Variants in ACBD6 observed in about 807,000 individuals in gnomAD.
ACBD6 encodes the protein acyl-CoA-binding domain-containing protein 6.
A neutral mutation model predicts 37.2 loss-of-function variants in ACBD6; 28 were observed. The ratio of observed to expected loss-of-function variants is 0.75; its 90% CI spans 0.56 to 1.03. The LOEUF (loss-of-function observed/expected upper bound fraction) is 1.03. Ranked by LOEUF, ACBD6 falls within the 50% of genes least tolerant of loss-of-function variation. ACBD6 has a pLI of 0.00. For synonymous variants in ACBD6, 113 were observed against 126.8 expected, an observed-to-expected ratio of 0.89 and a Z score of 0.73; for missense variants, 340 against 337.4, an observed-to-expected ratio of 1.01 and a Z score of -0.06.
At chr1:180,364,538 T>C (rs890534492) in intron 6 of ACBD6, among the ~76,000 whole-genome samples, 3 of 152,182 alleles carry the variant, frequency 2.0e-5, no homozygotes, top group African/African-American at 2.4e-5. Flanking sequence ...GAGTGAGTTA[T>C]AGGTAAGCAG....
intron 5 of ACBD6, among the ~76,000 whole-genome samples, chr1:180,406,296 A>G (rs1245997626): frequency 6.6e-6 from 1 of 152,122 alleles, no homozygotes; most frequent in Admixed American, 6.5e-5. Context: ...CCCCTCCTTA[A>G]TCCAAAAGTC....
intron 3 of ACBD6, among the ~76,000 whole-genome samples, chr1:180,481,115 T>A (rs1408764312): frequency 6.6e-6 from 1 of 151,992 alleles, no homozygotes; most frequent in Non-Finnish European, 1.5e-5. Context: ...GGAGCTAACA[T>A]CCAATTCCCC....
chr1:180,426,701 C>T (rs981398003), intron 4 of ACBD6, among the ~76,000 whole-genome samples: 2 of 152,092 alleles, frequency 1.3e-5, no homozygotes, highest in South Asian at 2.1e-4. Flanking sequence ...CTCCCTCTGC[C>T]GAATAACAAT....
In ACBD6 at chr1:180,502,388, C is replaced by G; in HGVS notation, c.-122G>C. 8.9e-7 allele frequency: 1 copy of G among 1,124,832 alleles called. No homozygotes were observed. The highest frequency in any genetic ancestry group is 2.0e-5 in the Admixed American group (1 of 50,532). The allele number at this position is 1,124,832 out of a possible 1,614,324, so 69.7% of individuals were successfully genotyped here. On this transcript the variant is annotated 5_prime_UTR_variant, in exon 1 of 8. Coordinates refer to ENST00000367595, the MANE Select transcript of ACBD6 (RefSeq NM_032360.4). ...AGCCTGAGCTCCAGTCGGACCCAAGCTCAGTCGCGGCGCGCTCCCTCACGT... is the reference window on the plus strand; with the variant it reads ...AGCCTGAGCTCCAGTCGGACCCAAGGTCAGTCGCGGCGCGCTCCCTCACGT...
At chr1:180,456,154 G>C (rs1649913778) in intron 3 of ACBD6, among the ~76,000 whole-genome samples, 1 of 150,026 alleles carries the variant, frequency 6.7e-6, no homozygotes, top group Non-Finnish European at 1.5e-5. Context: ...GGAGGTTGCA[G>C]TGAGCCAAGA....
At chr1:180,277,486 C>A (rs1258423468) in intron 9 of ACBD6, 1 of 152,122 alleles carries the variant, frequency 6.6e-6, no homozygotes, top group Non-Finnish European at 1.5e-5. Context: ...AATCCAGGAG[C>A]AAATTAGTTA....
In ACBD6 at chr1:180,318,987, A is replaced by G. The variant is rs182302884; in HGVS notation, c.664-4265T>C. On this transcript the variant is annotated intron_variant, in intron 6 of 7. Coordinates refer to ENST00000367595, the MANE Select transcript of ACBD6 (RefSeq NM_032360.4). ...CTATGCATTTAAAGAGGTGCTTATT[A>G]TATTTTATTCTGCATTTCTGAGTGT... Among the ~76,000 whole-genome samples the G allele has an allele frequency of 3.3e-5, 5 of 152,252 alleles. No homozygotes were observed. The East Asian group carries it at 9.6e-4, about 29-fold the overall frequency.
At position 180,409,680 on chromosome 1, in the gene ACBD6, T is replaced by C. The variant is rs560216306; in HGVS notation, c.573+3686A>G. ...TTTAACCAACAGATACTTTGTGTGT[T>C]CTGACTGCTCCACTGACTGGCTGTT... On this transcript the variant is annotated intron_variant, in intron 5 of 7. Coordinates refer to ENST00000367595, the MANE Select transcript of ACBD6 (RefSeq NM_032360.4). Among the ~76,000 whole-genome samples, 4 of 152,332 alleles carry C rather than the reference T, an allele frequency of 2.6e-5. No homozygotes were observed. The East Asian group carries it at 7.7e-4, about 29-fold the overall frequency.
At position 180,301,400 on chromosome 1, in the gene ACBD6, A is replaced by G. The variant is rs577505958; in HGVS notation, c.695-12883T>C. ...CAGTAAATAAACTGTCAGTTAACAC[A>G]TATTTTGTATGTTATATGTCTTCTT... is the stretch of plus-strand genomic sequence containing the variant. On this transcript the variant is annotated intron_variant, in intron 7 of 7. Transcript: ENST00000367595. Among the ~76,000 whole-genome samples the G allele has an allele frequency of 8.5e-3, 1,150 of 135,434 alleles. 8 individuals carry two copies. The highest frequency in any genetic ancestry group is 0.019 in the South Asian group (76 of 4,046). 88.8% of individuals were successfully genotyped at this position (135,434 alleles called of 152,430 possible).
intron 6 of ACBD6, among the ~76,000 whole-genome samples, 155 bp from the exon 7 acceptor site, chr1:180,314,877 T>C (rs1650737862): frequency 6.6e-6 from 1 of 152,206 alleles, no homozygotes; most frequent in African/African-American, 2.4e-5. Flanking sequence ...ACCGTAACTT[T>C]TGACCAAGCT....
chr1:180,470,036 A>G (rs1218468383), intron 3 of ACBD6, among the ~76,000 whole-genome samples: 1 of 152,216 alleles, frequency 6.6e-6, no homozygotes, highest in African/African-American at 2.4e-5. Context: ...TAATACAAAT[A>G]GAAAGAAATT....
chr1:180,349,962 T>A (rs193157402), intron 6 of ACBD6, among the ~76,000 whole-genome samples: 1 of 152,108 alleles, frequency 6.6e-6, no homozygotes, highest in East Asian at 1.9e-4. Context: ...AATTTTGATG[T>A]AATCAACCAG....
chr1:180,502,212 G>C lies in ACBD6; in HGVS notation c.55C>G (p.Leu19Val). The change falls in exon 1 of 8, where the codon CTG becomes GTG. Residue 19 changes from leucine to valine, a missense_variant. Physicochemically the swap from Leu to Val is conservative, Grantham distance 32. Coordinates refer to ENST00000367595, the MANE Select transcript of ACBD6 (RefSeq NM_032360.4). ...GAITGDSGGE[L>V]SSGDDSGEVE... ...TCCCCGGAGTCGTCCCCTGAGCTCA[G>C]CTCTCCACCGCTGTCGCCGGTGATG... 1 of 1,613,964 alleles carries C rather than the reference G, an allele frequency of 6.2e-7. No individual in the cohort carries two copies. Among genetic ancestry groups the C allele is most frequent in the Non-Finnish European group, 8.5e-7 (1 of 1,180,042 alleles).
chr1:180,383,242 A>G (rs906660471), intron 6 of ACBD6, among the ~76,000 whole-genome samples: 1 of 152,226 alleles, frequency 6.6e-6, no homozygotes. Context: ...GAAAACTTGA[A>G]GTCAAACTGT....
chr1:180,369,135 C>A (rs1385192257), intron 6 of ACBD6, among the ~76,000 whole-genome samples: 2 of 152,224 alleles, frequency 1.3e-5, no homozygotes, highest in African/African-American at 2.4e-5. Context: ...GAAACTACCA[C>A]GCTGGTAGGC....
chr1:180,271,787 G>A (rs1482224740), exon 14 of ACBD6: 1 of 1,607,130 alleles, frequency 6.2e-7, no homozygotes, highest in Admixed American at 1.7e-5. Flanking sequence ...GGGGCTTTGG[G>A]TTTGTGGTGG....
At chr1:180,321,381 A>T (rs1369188794) in intron 6 of ACBD6, among the ~76,000 whole-genome samples, 1 of 152,194 alleles carries the variant, frequency 6.6e-6, no homozygotes, top group Non-Finnish European at 1.5e-5. Flanking sequence ...TACTTTGGGT[A>T]GTATGGACAT....
intron 4 of ACBD6, among the ~76,000 whole-genome samples, chr1:180,423,889 A>G (rs191513177): frequency 6.6e-6 from 1 of 152,348 alleles, no homozygotes; most frequent in East Asian, 1.9e-4. Context: ...TTACATTCTC[A>G]ACCATTAAGG....
rs188554556 is a variant in ACBD6 at position 180,449,568 on chromosome 1, C to T, written c.385-19306G>A. 4.9e-3 allele frequency among the ~76,000 whole-genome samples: 744 copies of T among 152,012 alleles called. 12 individuals carry two copies. Among genetic ancestry groups the T allele is most frequent in the African/African-American group, 0.017 (686 of 41,440 alleles). On this transcript the variant is annotated intron_variant, in intron 3 of 7. Coordinates refer to ENST00000367595, the MANE Select transcript of ACBD6 (RefSeq NM_032360.4). ...GATTACAGGTGCCCGCCACCACACCCGGCTAGTTTTTGTATTTTCAGTAGC... is the reference window on the plus strand; with the variant it reads ...GATTACAGGTGCCCGCCACCACACCTGGCTAGTTTTTGTATTTTCAGTAGC...
Sources: allele counts gnomAD v4.1 joint callset (sites outside exome capture counted in the v4.1 genomes callset), GRCh38; gene constraint gnomAD v4.1.1; transcripts MANE v1.5; gene names NCBI Gene and HGNC (gene_info 2026-07-23, HGNC 2026-07-21).